The following ACO1 variants were observed in gnomAD, a reference collection of about 807,000 sequenced individuals.
The protein encoded by ACO1 is aconitase 1, also known as cytoplasmic aconitate hydratase.
A neutral mutation model predicts 105.1 loss-of-function variants in ACO1; 78 were observed. The observed-to-expected ratio is 0.74, with a 90% CI of 0.62 to 0.90. The LOEUF is 0.90. Among genes scored for constraint, ACO1 ranks in the 40% least tolerant of loss-of-function variants. ACO1 has a pLI of 0.00. For missense variants in ACO1, 965 were observed against 1,111.1 expected, an observed-to-expected ratio of 0.87 and a Z score of 1.87; for synonymous variants, 364 against 397.4, an observed-to-expected ratio of 0.92 and a Z score of 1.00.
At chr9:32,387,378 A>G (rs1354075771) in intron 1 of ACO1, among the ~76,000 whole-genome samples, 1 of 152,234 alleles carries the variant, frequency 6.6e-6, no homozygotes, top group Non-Finnish European at 1.5e-5. Context: ...CACATTTTTT[A>G]GATTGAAATA....
At chr9:32,418,813 G>A (rs1211127544) in intron 6 of ACO1, among the ~76,000 whole-genome samples, 10 of 152,106 alleles carry the variant, frequency 6.6e-5, no homozygotes, top group African/African-American at 2.4e-4. Context: ...TGGCATCAAG[G>A]GGATTTTGAT....
chr9:32,386,786 A>G (rs1291558131), intron 1 of ACO1, among the ~76,000 whole-genome samples: 5 of 152,184 alleles, frequency 3.3e-5, no homozygotes, highest in Non-Finnish European at 7.3e-5. Context: ...TCATTCCTTC[A>G]TTCTTTCAGT....
chr9:32,398,865 G>A (rs1317554672), intron 1 of ACO1, among the ~76,000 whole-genome samples: 1 of 152,128 alleles, frequency 6.6e-6, no homozygotes, highest in Non-Finnish European at 1.5e-5. Flanking sequence ...AAATTGCTGG[G>A]ATTACAGGCA....
chr9:32,418,531 T>G lies in ACO1; in HGVS notation c.658+20T>G, dbSNP rs368519878. On this transcript the variant is annotated intron_variant, in intron 6 of 20. Transcript: ENST00000309951. ...GTTGGGGTGAGTGTTCTTCCATATA[T>G]GCTGTTTTGGGGCATGCACTTTAAT... 5.0e-6 allele frequency: 8 copies of G among 1,602,990 alleles called. No homozygotes were observed. The African/African-American group carries it at 1.1e-4, about 21-fold the overall frequency.
At chr9:32,433,653 T>C in intron 15 of ACO1, 75 bp from the exon 16 acceptor site, 1 of 1,099,142 alleles carries the variant, frequency 9.1e-7, no homozygotes, top group Non-Finnish European at 1.3e-6. Flanking sequence ...AGCTTGAATG[T>C]ATGTTTTGTG....
At chr9:32,411,990 C>A (rs989521100) in intron 4 of ACO1, among the ~76,000 whole-genome samples, 12 of 152,182 alleles carry the variant, frequency 7.9e-5, no homozygotes, top group African/African-American at 2.9e-4. Context: ...CCTCCCACCT[C>A]AGCCTTCCGA....
chr9:32,409,841 A>G (rs1821697030), intron 4 of ACO1, among the ~76,000 whole-genome samples: 1 of 152,212 alleles, frequency 6.6e-6, no homozygotes, highest in Non-Finnish European at 1.5e-5. Context: ...AAAAAAAAAA[A>G]AATCTTAATA....
At chr9:32,429,146 TAATG>T (rs1260934942) in intron 12 of ACO1, among the ~76,000 whole-genome samples, 1 of 152,246 alleles carries the variant, frequency 6.6e-6, no homozygotes, top group Non-Finnish European at 1.5e-5. Context: ...TAATAGTAGT[TAATG>T]AAGATATGGC....
At chr9:32,430,164 G>A (rs542650948) in intron 13 of ACO1, among the ~76,000 whole-genome samples, 1 of 152,318 alleles carries the variant, frequency 6.6e-6, no homozygotes, top group Admixed American at 6.5e-5. Flanking sequence ...GCAATAACTA[G>A]TATGTTGCCT....
At chr9:32,425,416 G>A (rs935427197) in intron 10 of ACO1, among the ~76,000 whole-genome samples, 4 of 152,112 alleles carry the variant, frequency 2.6e-5, no homozygotes, top group Non-Finnish European at 4.4e-5. Flanking sequence ...TCAAAATAGC[G>A]CCTTTTTCTA....
chr9:32,443,167 G>A (rs1239191755), intron 19 of ACO1, among the ~76,000 whole-genome samples: 7 of 151,840 alleles, frequency 4.6e-5, no homozygotes, highest in East Asian at 3.9e-4. Context: ...AAGAAAGCAC[G>A]GTGTTATGAG....
chr9:32,444,232 C>T (rs1015229518), intron 19 of ACO1, among the ~76,000 whole-genome samples: 5 of 152,148 alleles, frequency 3.3e-5, no homozygotes, highest in Admixed American at 2.0e-4. Flanking sequence ...CATTGATGGG[C>T]ATTTGGGTTG....
In ACO1 at chr9:32,450,089, T is replaced by G. The variant is rs746370322; in HGVS notation, c.2648T>G (p.Met883Arg). 9.9e-6 allele frequency: 16 copies of G among 1,613,696 alleles called. No homozygotes were observed. The African/African-American group carries it at 2.1e-4, about 22-fold the overall frequency. The change falls in exon 21 of 21, where the codon ATG (methionine) becomes AGG (arginine). Residue 883 changes from methionine (M) to arginine (R), a missense_variant. Met to Arg is a moderately conservative substitution (Grantham distance 91, BLOSUM62 -1). Coordinates refer to ENST00000309951, the MANE Select transcript of ACO1 (RefSeq NM_002197.3). ...YFLNGGILNY[M>R]IRKMAK ...CTCAACGGGGGCATCCTCAACTACA[T>G]GATCCGCAAGATGGCCAAGTAGGAG... is the stretch of plus-strand genomic sequence containing the variant.
intron 1 of ACO1, among the ~76,000 whole-genome samples, chr9:32,399,988 T>TTTTTTTGTTTGG (rs1821459231): frequency 8.2e-6 from 1 of 121,642 alleles, no homozygotes; most frequent in Admixed American, 8.6e-5. Context: ...TTTTTTTTTT[T>TTTTTTTGTTTGG]GCGATGGAGT....
chr9:32,402,818 C>G (rs1235917954), intron 1 of ACO1, among the ~76,000 whole-genome samples: 2 of 152,122 alleles, frequency 1.3e-5, no homozygotes, highest in African/African-American at 4.8e-5. Flanking sequence ...ATGGGTGGAA[C>G]CTTGAAGTGG....
chr9:32,435,209 A>C (rs917053547), intron 17 of ACO1, among the ~76,000 whole-genome samples: 9 of 152,172 alleles, frequency 5.9e-5, no homozygotes, highest in Non-Finnish European at 1.3e-4. Flanking sequence ...GTGGTTCCCC[A>C]ATCTGAGTTT....
chr9:32,444,689 G>C (rs1358194149), intron 19 of ACO1, among the ~76,000 whole-genome samples: 1 of 152,072 alleles, frequency 6.6e-6, no homozygotes, highest in African/African-American at 2.4e-5. Flanking sequence ...TCCTTCTCTT[G>C]TGCCGGTTTT....
Position 32,419,131 on chromosome 9 carries a change from C to T in ACO1, c.752C>T (p.Pro251Leu). ...ATTGGCTACAGGCTGATGGGGAAGC[C>T]CCACCCTCTGGTAACATCCACTGAC... The part of the protein sequence containing the change: ...QVIGYRLMGK[P>L]HPLVTSTDIV... The change falls in exon 7 of 21, where the codon CCC becomes CTC. Residue 251 changes from proline (P) to leucine (L), a missense_variant. Pro to Leu is a moderately conservative substitution (Grantham distance 98). Transcript: ENST00000309951. The T allele has an allele frequency of 6.2e-7, 1 of 1,606,318 alleles. No homozygotes were observed. The highest frequency in any genetic ancestry group is 8.5e-7 in the Non-Finnish European group (1 of 1,176,138).
chr9:32,390,256 C>G (rs963498218), intron 1 of ACO1, among the ~76,000 whole-genome samples: 2 of 152,196 alleles, frequency 1.3e-5, no homozygotes, highest in African/African-American at 4.8e-5. Context: ...CTGTTCTGCC[C>G]TAATGTCAGC....
Sources: gnomAD v4.1 joint callset for allele counts (sites outside exome capture counted in the v4.1 genomes callset) on GRCh38, gnomAD v4.1.1 for gene constraint, MANE v1.5 for transcripts, NCBI Gene and HGNC (gene_info 2026-07-23, HGNC 2026-07-21) for gene names.